The following MGAT4C variants were observed in gnomAD, a reference collection of about 807,000 sequenced individuals.
MGAT4C encodes alpha-1,3-mannosyl-glycoprotein 4-beta-N-acetylglucosaminyltransferase C.
In MGAT4C, 19 loss-of-function variants were observed where a neutral mutation model predicts 40.1. That is an observed-to-expected ratio of 0.47 (90% CI 0.33 to 0.70). The LOEUF is 0.70. Ranked by LOEUF, MGAT4C falls within the 30% of genes least tolerant of loss-of-function variation. The probability of loss-of-function intolerance (pLI) is 0.02; values close to 1 mark genes in which losing one functional copy is unlikely to be tolerated. For synonymous variants in MGAT4C, 181 were observed against 187.1 expected, an observed-to-expected ratio of 0.97 and a Z score of 0.27; for missense variants, 491 against 563.2, an observed-to-expected ratio of 0.87 and a Z score of 1.30.
At position 86,613,203 on chromosome 12, in the gene MGAT4C, T is replaced by C. The variant is rs544800810; in HGVS notation, c.-229+114006A>G. Among the ~76,000 whole-genome samples the C allele has an allele frequency of 6.6e-5, 10 of 152,310 alleles. No individual in the cohort carries two copies. The East Asian group carries it at 1.9e-3, about 29-fold the overall frequency. ...TCTACCAATTTATATGAAATCTCTG[T>C]TGTCTACCACAACTGTCAATAAAGA... On this transcript the variant is annotated intron_variant, in intron 2 of 7. Transcript: ENST00000548651.
intron 1 of MGAT4C, among the ~76,000 whole-genome samples, chr12:86,169,547 T>A (rs1349798813): frequency 6.6e-6 from 1 of 152,208 alleles, no homozygotes; most frequent in African/African-American, 2.4e-5. Context: ...CAGATACATA[T>A]CCAACAATTT....
At chr12:86,526,076 T>A (rs1958875757) in intron 2 of MGAT4C, among the ~76,000 whole-genome samples, 1 of 151,536 alleles carries the variant, frequency 6.6e-6, no homozygotes, top group South Asian at 2.1e-4. Flanking sequence ...GGGAGGGGAG[T>A]TCCTGCTGGT....
At chr12:86,127,014 G>A (rs565643637) in intron 1 of MGAT4C, among the ~76,000 whole-genome samples, 2 of 152,164 alleles carry the variant, frequency 1.3e-5, no homozygotes, top group Non-Finnish European at 2.9e-5. Context: ...TTCACAATAG[G>A]GTTCACACTC....
At chr12:86,098,302 T>C (rs1228625205) in intron 1 of MGAT4C, among the ~76,000 whole-genome samples, 2 of 151,648 alleles carry the variant, frequency 1.3e-5, no homozygotes, top group African/African-American at 4.8e-5. Flanking sequence ...ATTTTGTTTC[T>C]TGGTAATTTG....
At chr12:86,711,134 A>G (rs980981872) in intron 2 of MGAT4C, among the ~76,000 whole-genome samples, 1 of 152,120 alleles carries the variant, frequency 6.6e-6, no homozygotes, top group Non-Finnish European at 1.5e-5. Flanking sequence ...AATCACCACG[A>G]AAGAACATCC....
intron 4 of MGAT4C, among the ~76,000 whole-genome samples, chr12:86,286,851 T>C (rs1953364398): frequency 6.6e-6 from 1 of 152,084 alleles, no homozygotes; most frequent in Non-Finnish European, 1.5e-5. Flanking sequence ...TGTTTTTCTG[T>C]ACCCCTGTAA....
chr12:86,836,703 C>T (rs2136241688), intron 1 of MGAT4C, among the ~76,000 whole-genome samples: 1 of 152,000 alleles, frequency 6.6e-6, no homozygotes, highest in African/African-American at 2.4e-5. Context: ...ATTGGAGCTG[C>T]CCCTCCTGAT....
chr12:86,585,299 C>A (rs1356716570), intron 2 of MGAT4C, among the ~76,000 whole-genome samples: 1 of 151,334 alleles, frequency 6.6e-6, no homozygotes, highest in Non-Finnish European at 1.5e-5. Flanking sequence ...TGATTCCAAA[C>A]TAAAATTCCT....
intron 2 of MGAT4C, among the ~76,000 whole-genome samples, chr12:86,451,073 A>C (rs1314949077): frequency 6.6e-6 from 1 of 152,130 alleles, no homozygotes; most frequent in East Asian, 1.9e-4. Flanking sequence ...TCATATAGAA[A>C]TGTAATCGCC....
intron 1 of MGAT4C, among the ~76,000 whole-genome samples, chr12:86,082,484 T>C (rs376111862): frequency 6.6e-6 from 1 of 152,152 alleles, no homozygotes; most frequent in African/African-American, 2.4e-5. Context: ...GGAGCATATC[T>C]TTTTTGTCAA....
chr12:86,631,719 T>C (rs1963051145), intron 2 of MGAT4C, among the ~76,000 whole-genome samples: 1 of 152,088 alleles, frequency 6.6e-6, no homozygotes, highest in Non-Finnish European at 1.5e-5. Context: ...AAGCTGAAAC[T>C]GGATCCCTTC....
At chr12:86,631,556 C>G (rs1030497263) in intron 2 of MGAT4C, among the ~76,000 whole-genome samples, 4 of 151,880 alleles carry the variant, frequency 2.6e-5, no homozygotes, top group Non-Finnish European at 4.4e-5. Flanking sequence ...CCAAAACAGA[C>G]ATATAGACCA....
chr12:85,988,075 A>G (rs1885454461), intron 3 of MGAT4C, among the ~76,000 whole-genome samples: 1 of 152,192 alleles, frequency 6.6e-6, no homozygotes, highest in South Asian at 2.1e-4. Context: ...TCAAAAATGC[A>G]TAACATTAGT....
rs184872607 is a variant in MGAT4C, at chr12:86,483,034, T to C, written c.-228-47769A>G. ...GCTGCTATAACAAAATATCATAGAC[T>C]GGGTGATTGTAAACTACAGAAATTT... On this transcript the variant is annotated intron_variant, in intron 2 of 7. Transcript: ENST00000548651. Among the ~76,000 whole-genome samples the C allele has an allele frequency of 1.8e-3, 268 of 152,326 alleles. 2 individuals are homozygous for C. The highest frequency in any genetic ancestry group is 6.1e-3 in the African/African-American group (254 of 41,590).
At chr12:86,449,287 A>G (rs560370722) in intron 2 of MGAT4C, among the ~76,000 whole-genome samples, 1 of 152,324 alleles carries the variant, frequency 6.6e-6, no homozygotes, top group South Asian at 2.1e-4. Context: ...GTGAAAAAGG[A>G]ATAGTATGAC....
intron 2 of MGAT4C, among the ~76,000 whole-genome samples, chr12:86,592,050 A>G (rs930776238): frequency 1.3e-5 from 2 of 152,092 alleles, no homozygotes; most frequent in Non-Finnish European, 2.9e-5. Flanking sequence ...GTATTCATCA[A>G]TTTATAGTAG....
At chr12:86,764,714 C>G (rs1476635782) in intron 1 of MGAT4C, among the ~76,000 whole-genome samples, 1 of 152,116 alleles carries the variant, frequency 6.6e-6, no homozygotes. Flanking sequence ...TCAGGAAAAT[C>G]CGCTGTTCTG....
chr12:86,812,517 T>G (rs895335467), intron 1 of MGAT4C, among the ~76,000 whole-genome samples: 20 of 152,112 alleles, frequency 1.3e-4, no homozygotes, highest in Admixed American at 1.3e-3. Context: ...TAGGTCATCT[T>G]GTTAAATGGA....
At chr12:86,014,557 C>T (rs908372437) in intron 2 of MGAT4C, among the ~76,000 whole-genome samples, 1 of 152,150 alleles carries the variant, frequency 6.6e-6, no homozygotes, top group African/African-American at 2.4e-5. Context: ...CGTCAGCCAG[C>T]CCTGTTCAGA....
Sources: gnomAD v4.1 joint callset for allele counts (sites outside exome capture counted in the v4.1 genomes callset) on GRCh38, gnomAD v4.1.1 for gene constraint, MANE v1.5 for transcripts, NCBI Gene and HGNC (gene_info 2026-07-23, HGNC 2026-07-21) for gene names.